The following FER variants were observed in gnomAD, a reference collection of about 807,000 sequenced individuals.
FER encodes FER tyrosine kinase, also known as tyrosine-protein kinase Fer.
Under a neutral mutation model 111.0 loss-of-function variants are expected in FER, and 63 were observed. The observed-to-expected ratio is 0.57, with a 90% CI of 0.46 to 0.70. The LOEUF (loss-of-function observed/expected upper bound fraction) is 0.70, where lower values mean the gene tolerates loss of function less well. Ranked by LOEUF, FER falls within the 30% of genes least tolerant of loss-of-function variation. FER has a pLI of 0.00. For synonymous variants in FER, 327 were observed against 313.9 expected (o/e 1.04, Z -0.44); for missense variants, 914 against 954.0 (o/e 0.96, Z 0.55).
intron 3 of FER, among the ~76,000 whole-genome samples, chr5:108,815,785 A>G (rs989027369): frequency 6.6e-6 from 1 of 152,170 alleles, no homozygotes; most frequent in African/African-American, 2.4e-5. Context: ...TTGATGAATC[A>G]GTCTGATTAT....
At chr5:108,822,728 A>G (rs1369894049) in intron 3 of FER, among the ~76,000 whole-genome samples, 2 of 135,186 alleles carry the variant, frequency 1.5e-5, no homozygotes, top group African/African-American at 5.7e-5. Context: ...ATTTTATTTT[A>G]TTTTATTTTA....
chr5:109,055,790 CAAAA>C (rs77291685), intron 16 of FER, among the ~76,000 whole-genome samples: 1,071 of 72,440 alleles, frequency 0.015, 13 homozygotes, highest in Non-Finnish European at 0.021. Context: ...AACCTTGTCT[CAAAA>C]AAAAAAAAAA....
chr5:109,164,160 G>A (rs142479409), intron 17 of FER, among the ~76,000 whole-genome samples: 2 of 152,224 alleles, frequency 1.3e-5, no homozygotes, highest in African/African-American at 4.8e-5. Context: ...GTTTTCAGAG[G>A]CCTTCGTCAG....
intron 2 of FER, among the ~76,000 whole-genome samples, chr5:108,770,963 G>A (rs1013148501): frequency 1.3e-5 from 2 of 151,192 alleles, no homozygotes; most frequent in East Asian, 1.9e-4. Flanking sequence ...TTGAGATGGA[G>A]TCTCACTCTG....
At chr5:108,830,681 T>C (rs976405915) in intron 3 of FER, 14 of 152,034 alleles carry the variant, frequency 9.2e-5, no homozygotes, top group African/African-American at 3.4e-4. Context: ...GCACTGGAGA[T>C]GGAGAGAAGA....
chr5:108,814,291 G>C (rs979306055), intron 3 of FER, among the ~76,000 whole-genome samples: 6 of 152,104 alleles, frequency 3.9e-5, no homozygotes, highest in Non-Finnish European at 8.8e-5. Flanking sequence ...GACCCCAAGG[G>C]AGGGTTATTG....
chr5:108,935,591 A>G (rs1279280778), intron 10 of FER, among the ~76,000 whole-genome samples: 2 of 152,088 alleles, frequency 1.3e-5, no homozygotes, highest in African/African-American at 2.4e-5. Flanking sequence ...GTTTGTGTCT[A>G]TCTTCTGTTT....
In FER at chr5:108,765,618, C is replaced by G. The variant is rs530942023; in HGVS notation, c.-205-2475C>G. ...CACTGCTCAATATTGGGCATGGAATCTCAGTTGAATAGTTGTCTTTCTTGA... is the reference window on the plus strand; with the variant it reads ...CACTGCTCAATATTGGGCATGGAATGTCAGTTGAATAGTTGTCTTTCTTGA... On this transcript the variant is annotated intron_variant, in intron 1 of 19. Transcript: ENST00000281092. Among the ~76,000 whole-genome samples, 6 of 152,256 alleles carry G rather than the reference C, an allele frequency of 3.9e-5. No homozygotes were observed. The East Asian group carries it at 1.2e-3, about 29-fold the overall frequency.
intron 16 of FER, among the ~76,000 whole-genome samples, chr5:109,074,197 A>G (rs973258431): frequency 6.6e-6 from 1 of 152,170 alleles, no homozygotes; most frequent in Non-Finnish European, 1.5e-5. Flanking sequence ...TTAAAATATT[A>G]TTATCCTCAG....
At chr5:108,852,490 A>G (rs927981650) in intron 5 of FER, among the ~76,000 whole-genome samples, 1 of 152,108 alleles carries the variant, frequency 6.6e-6, no homozygotes, top group African/African-American at 2.4e-5. Flanking sequence ...ATATCTGTAT[A>G]TTTTGGCGAT....
At chr5:108,968,821 A>T (rs1367992015) in intron 13 of FER, among the ~76,000 whole-genome samples, 1 of 152,142 alleles carries the variant, frequency 6.6e-6, no homozygotes, top group Non-Finnish European at 1.5e-5. Flanking sequence ...AATCTCTTCA[A>T]TATACAGTGT....
intron 1 of FER, among the ~76,000 whole-genome samples, chr5:108,762,905 C>A (rs1244115713): frequency 6.6e-6 from 1 of 152,196 alleles, no homozygotes; most frequent in Non-Finnish European, 1.5e-5. Context: ...TCTGTAAAGT[C>A]TTTAATCACT....
At chr5:109,182,938 C>T (rs1362195935) in intron 18 of FER, among the ~76,000 whole-genome samples, 1 of 152,064 alleles carries the variant, frequency 6.6e-6, no homozygotes, top group Non-Finnish European at 1.5e-5. Context: ...ACCTCCAGGG[C>T]TCAAGCAGTC....
chr5:108,957,925 A>G (rs1260544342), intron 12 of FER, among the ~76,000 whole-genome samples: 2 of 151,634 alleles, frequency 1.3e-5, no homozygotes, highest in Non-Finnish European at 3.0e-5. Flanking sequence ...TATTAGAAAT[A>G]GGTTAGTACC....
Position 109,020,416 on chromosome 5 carries a change from A to G in FER, c.1657-17006A>G, listed in dbSNP as rs528611321. Among the ~76,000 whole-genome samples the G allele has an allele frequency of 2.0e-5, 3 of 152,114 alleles. No homozygotes were observed. The South Asian group carries it at 6.2e-4, about 32-fold the overall frequency. On this transcript the variant is annotated intron_variant, in intron 13 of 19. Transcript: ENST00000281092. ...TTCTCTTTTTTAAAGAATCTTCTAA[A>G]ACTCAACTTAGAACTGAACAAATAA...
At chr5:108,834,995 G>A (rs1303461479) in intron 4 of FER, among the ~76,000 whole-genome samples, 1 of 151,890 alleles carries the variant, frequency 6.6e-6, no homozygotes, top group Non-Finnish European at 1.5e-5. Flanking sequence ...ACAATATCTG[G>A]GACACATATT....
intron 5 of FER, among the ~76,000 whole-genome samples, chr5:108,845,050 A>G (rs1450055478): frequency 1.3e-4 from 8 of 61,100 alleles, no homozygotes; most frequent in East Asian, 4.3e-4. Flanking sequence ...ACATATATAT[A>G]TATATATATA....
chr5:109,093,328 T>A (rs1747061539), intron 16 of FER, among the ~76,000 whole-genome samples: 1 of 152,152 alleles, frequency 6.6e-6, no homozygotes, highest in Non-Finnish European at 1.5e-5. Flanking sequence ...ATACAGACAT[T>A]CCCAACTCTT....
At chr5:109,083,773 T>C (rs761980342) in intron 16 of FER, among the ~76,000 whole-genome samples, 2 of 151,770 alleles carry the variant, frequency 1.3e-5, no homozygotes, top group Non-Finnish European at 2.9e-5. Flanking sequence ...TGACAGAGAG[T>C]AGGCTTGCTT....
Sources: allele counts gnomAD v4.1 joint callset (sites outside exome capture counted in the v4.1 genomes callset), GRCh38; gene constraint gnomAD v4.1.1; transcripts MANE v1.5; gene names NCBI Gene and HGNC (gene_info 2026-07-23, HGNC 2026-07-21).